LPP: variants seen among roughly 807,000 people sequenced by gnomAD.
LPP encodes lipoma-preferred partner.
LPP carries 38 observed loss-of-function variants against 60.4 expected under a neutral mutation model. The ratio of observed to expected loss-of-function variants is 0.63; its 90% CI spans 0.49 to 0.83. LPP has a LOEUF of 0.83. Among genes scored for constraint, LPP ranks in the 40% least tolerant of loss-of-function variants. LPP has a pLI of 0.00. For missense variants in LPP, 902 were observed against 783.6 expected (o/e 1.15, Z -1.80); for synonymous variants, 328 against 290.8 (o/e 1.13, Z -1.30).
At chr3:188,473,172 T>C (rs545757096) in intron 4 of LPP, among the ~76,000 whole-genome samples, 2 of 152,298 alleles carry the variant, frequency 1.3e-5, no homozygotes, top group African/African-American at 2.4e-5. Context: ...TAGAGAACGG[T>C]TGAAAATAGT....
chr3:188,528,252 C>A (rs1821190543), intron 6 of LPP, among the ~76,000 whole-genome samples: 1 of 152,118 alleles, frequency 6.6e-6, no homozygotes, highest in Non-Finnish European at 1.5e-5. Flanking sequence ...TGGTCTCAAT[C>A]TCCTGACCTC....
chr3:188,409,087 T>C (rs1436477210), intron 4 of LPP, among the ~76,000 whole-genome samples: 4 of 152,224 alleles, frequency 2.6e-5, no homozygotes, highest in Non-Finnish European at 5.9e-5. Flanking sequence ...TGTGTTCTTA[T>C]GTATGCATAT....
chr3:188,588,377 C>A (rs1017813269), intron 6 of LPP, among the ~76,000 whole-genome samples: 13 of 152,124 alleles, frequency 8.5e-5, no homozygotes, highest in African/African-American at 3.1e-4. Flanking sequence ...TAATATTTGT[C>A]CCTTAATTCT....
intron 7 of LPP, among the ~76,000 whole-genome samples, chr3:188,659,386 C>A (rs940760999): frequency 2.6e-5 from 4 of 152,176 alleles, no homozygotes; most frequent in African/African-American, 9.7e-5. Context: ...TAGGATTACT[C>A]ATTTCCACCT....
chr3:188,640,604 T>G (rs1219440783), intron 7 of LPP, among the ~76,000 whole-genome samples: 3 of 151,784 alleles, frequency 2.0e-5, no homozygotes, highest in Admixed American at 2.0e-4. Context: ...TTACCTTAAT[T>G]TATGAAAATC....
intron 9 of LPP, among the ~76,000 whole-genome samples, chr3:188,845,627 C>T (rs1031745153): frequency 6.6e-6 from 1 of 152,060 alleles, no homozygotes; most frequent in African/African-American, 2.4e-5. Context: ...TCATAAATCT[C>T]CTCTGGTATA....
At chr3:188,524,392 C>T (rs148327040) in intron 5 of LPP, among the ~76,000 whole-genome samples, 1 of 152,122 alleles carries the variant, frequency 6.6e-6, no homozygotes, top group Non-Finnish European at 1.5e-5. Flanking sequence ...TTTTCCTTTA[C>T]TTGTATACTT....
chr3:188,243,927 G>A (rs547821403), intron 2 of LPP, among the ~76,000 whole-genome samples: 1 of 152,076 alleles, frequency 6.6e-6, no homozygotes, highest in South Asian at 2.1e-4. Context: ...GCAGGCTGGA[G>A]AGTAGAGGCA....
chr3:188,511,876 G>T (rs1815788632), intron 5 of LPP, among the ~76,000 whole-genome samples: 2 of 152,178 alleles, frequency 1.3e-5, no homozygotes, highest in South Asian at 4.1e-4. Context: ...CCCAGGCTGT[G>T]TGCAGTGGAC....
intron 7 of LPP, among the ~76,000 whole-genome samples, chr3:188,637,161 A>G (rs200527055): frequency 1.3e-5 from 2 of 151,660 alleles, no homozygotes; most frequent in African/African-American, 2.4e-5. Context: ...ATAACAAACT[A>G]TCTCTCAGAC....
chr3:188,550,595 A>T (rs1827863745), intron 6 of LPP, among the ~76,000 whole-genome samples: 1 of 151,664 alleles, frequency 6.6e-6, no homozygotes, highest in African/African-American at 2.4e-5. Context: ...AAAAAAAAAA[A>T]AAAAATCGAA....
chr3:188,443,204 G>C (rs1007178482), intron 4 of LPP, among the ~76,000 whole-genome samples: 1 of 152,072 alleles, frequency 6.6e-6, no homozygotes, highest in Non-Finnish European at 1.5e-5. Context: ...TTTCAGACTG[G>C]GGCTCTATTA....
chr3:188,669,359 G>A (rs1229719505), intron 7 of LPP, among the ~76,000 whole-genome samples: 7 of 152,142 alleles, frequency 4.6e-5, no homozygotes, highest in Non-Finnish European at 7.4e-5. Flanking sequence ...GGCGGATCAC[G>A]AAGTCAGGAG....
Position 188,558,199 on chromosome 3 carries a change from C to A in LPP, c.429+33412C>A, listed in dbSNP as rs1039137189. The stretch of plus-strand genomic sequence containing the variant: ...AACTGATATAATAAAAACACCAGAA[C>A]GAAAACGCATGTATTCATACCATAC... On this transcript the variant is annotated intron_variant, in intron 6 of 11. Coordinates refer to ENST00000617246, the MANE Select transcript of LPP (RefSeq NM_001375462.1). Among the ~76,000 whole-genome samples, 46 of 152,068 alleles carry A rather than the reference C, an allele frequency of 3.0e-4. 1 individual carries two copies. Among genetic ancestry groups the A allele is most frequent in the Non-Finnish European group, 5.9e-5 (4 of 68,006 alleles).
intron 8 of LPP, among the ~76,000 whole-genome samples, chr3:188,719,167 A>G (rs1444660559): frequency 3.3e-5 from 5 of 152,134 alleles, no homozygotes; most frequent in East Asian, 1.9e-4. Flanking sequence ...TTAAGATTTT[A>G]TTTTTTAAGT....
chr3:188,626,455 A>C (rs1846859532), intron 7 of LPP, among the ~76,000 whole-genome samples: 1 of 152,158 alleles, frequency 6.6e-6, no homozygotes. Context: ...GATCCCCTGC[A>C]GATATGAAGG....
intron 4 of LPP, among the ~76,000 whole-genome samples, chr3:188,428,852 T>C (rs1307999406): frequency 6.6e-6 from 1 of 152,116 alleles, no homozygotes; most frequent in Admixed American, 6.6e-5. Context: ...TTTCTAGCCA[T>C]GGAGTTTAGT....
At chr3:188,508,987 T>C (rs1321783946) in intron 5 of LPP, among the ~76,000 whole-genome samples, 2 of 152,156 alleles carry the variant, frequency 1.3e-5, no homozygotes, top group African/African-American at 4.8e-5. Flanking sequence ...TTAGATTTGG[T>C]AAATCTAGGA....
chr3:188,546,000 T>C (rs1227839572), intron 6 of LPP, among the ~76,000 whole-genome samples: 1 of 152,168 alleles, frequency 6.6e-6, no homozygotes, highest in African/African-American at 2.4e-5. Context: ...TTTTACTACA[T>C]CATATTTTAA....
Sources: gnomAD v4.1 joint callset for allele counts (sites outside exome capture counted in the v4.1 genomes callset) on GRCh38, gnomAD v4.1.1 for gene constraint, MANE v1.5 for transcripts, NCBI Gene and HGNC (gene_info 2026-07-23, HGNC 2026-07-21) for gene names.